The following CEP120 variants were observed in gnomAD, a reference collection of about 807,000 sequenced individuals.
CEP120 encodes the protein centrosomal protein of 120 kDa.
In CEP120, 113 loss-of-function variants were observed where a neutral mutation model predicts 126.5. The ratio of observed to expected loss-of-function variants is 0.89; its 90% CI spans 0.77 to 1.04. The LOEUF is 1.04. Among genes scored for constraint, CEP120 ranks in the 50% least tolerant of loss-of-function variants. CEP120 has a pLI of 0.00. For missense variants in CEP120, 1,230 were observed against 1,155.7 expected (o/e 1.06, Z -0.93); for synonymous variants, 400 against 394.3 (o/e 1.01, Z -0.17).
rs1562022374 is a variant in CEP120 at position 123,372,750 on chromosome 5, T to C, written c.2381A>G (p.Tyr794Cys). The change falls in exon 17 of 20, where the codon TAT (tyrosine) becomes TGT (cysteine). Residue 794 changes from tyrosine to cysteine, a missense_variant. Tyr to Cys is a radical substitution (Grantham distance 194, BLOSUM62 -2). Transcript: ENST00000306467. ...TTGGAACTCTTTTTCCAAAATCTTA[T>C]ACTTATTTTCAGCATCATTAAGCTG... The part of the protein sequence containing the change: ...QQQLNDAENK[Y>C]KILEKEFQQF... 2 of 1,604,860 alleles carry C rather than the reference T, an allele frequency of 1.2e-6. No individual in the cohort carries two copies. The highest frequency in any genetic ancestry group is 2.2e-5 in the East Asian group (1 of 44,572).
chr5:123,355,889 T>C (rs1264647305), intron 18 of CEP120, among the ~76,000 whole-genome samples: 2 of 148,600 alleles, frequency 1.3e-5, no homozygotes, highest in Non-Finnish European at 3.0e-5. Context: ...TAGGTTTTCT[T>C]CTGGGGTTTT....
chr5:123,392,229 C>A (rs1388146940), intron 6 of CEP120, among the ~76,000 whole-genome samples: 1 of 152,082 alleles, frequency 6.6e-6, no homozygotes, highest in Non-Finnish European at 1.5e-5. Context: ...TAAATCAATA[C>A]TTTTGGTAAG....
At chr5:123,419,360 T>C (rs1468706779) in intron 1 of CEP120, among the ~76,000 whole-genome samples, 1 of 151,998 alleles carries the variant, frequency 6.6e-6, no homozygotes, top group Non-Finnish European at 1.5e-5. Context: ...AAGAATACTT[T>C]CCTGGTGAAA....
At chr5:123,422,879 G>T in intron 1 of CEP120, 71 bp downstream of exon 1, 1 of 1,371,994 alleles carries the variant, frequency 7.3e-7, no homozygotes, top group South Asian at 1.2e-5. Context: ...GGTTAACAAG[G>T]CCTCGGTCCC....
intron 14 of CEP120, among the ~76,000 whole-genome samples, chr5:123,380,470 C>T (rs1448650575): frequency 1.3e-5 from 2 of 152,022 alleles, no homozygotes; most frequent in African/African-American, 2.4e-5. Flanking sequence ...TAGCCAGGAA[C>T]TCATCATTTC....
chr5:123,379,179 A>G (rs1272522247), intron 14 of CEP120, among the ~76,000 whole-genome samples: 1 of 152,084 alleles, frequency 6.6e-6, no homozygotes, highest in Non-Finnish European at 1.5e-5. Context: ...TAGGGAAAGC[A>G]GTAGGATTGT....
In CEP120 at chr5:123,386,678, A is replaced by T. The variant is rs1325345560; in HGVS notation, c.1431-11T>A. 4.1e-4 allele frequency: 223 copies of T among 544,490 alleles called. 4 individuals carry two copies. Among genetic ancestry groups the T allele is most frequent in the African/African-American group, 3.8e-3 (184 of 48,484 alleles). The allele number at this position is 544,490 out of a possible 1,614,324, so 33.7% of individuals were successfully genotyped here. A position where few individuals can be genotyped will look rare whatever the true frequency, so the allele number is the denominator to read the frequency against. On this transcript the variant is annotated splice_polypyrimidine_tract_variant and intron_variant, in intron 9 of 19. Coordinates refer to ENST00000306467, the MANE Select transcript of CEP120 (RefSeq NM_001375405.1). ...AATGGATATGAGTACCTAGAATTTAAAAAAAAAAAAAAAAAAAAAAGCCTT... is the reference window on the plus strand; with the variant it reads ...AATGGATATGAGTACCTAGAATTTATAAAAAAAAAAAAAAAAAAAAGCCTT...
At chr5:123,374,467 C>CT (rs778485658) in intron 16 of CEP120, among the ~76,000 whole-genome samples, 1 of 151,910 alleles carries the variant, frequency 6.6e-6, no homozygotes, top group Non-Finnish European at 1.5e-5. Context: ...CGAAGATGTT[C>CT]TTTTTTGAAT....
intron 9 of CEP120, among the ~76,000 whole-genome samples, chr5:123,387,161 A>G (rs1772090454): frequency 6.6e-6 from 1 of 152,166 alleles, no homozygotes; most frequent in African/African-American, 2.4e-5. Flanking sequence ...ATGCCTGACT[A>G]CTGCTGAACT....
chr5:123,408,120 G>A (rs1223307455), intron 4 of CEP120, among the ~76,000 whole-genome samples: 1 of 152,190 alleles, frequency 6.6e-6, no homozygotes, highest in African/African-American at 2.4e-5. Context: ...GACATGCAAT[G>A]AAAGCAGTGC....
At chr5:123,367,069 T>C (rs1328185269) in intron 17 of CEP120, among the ~76,000 whole-genome samples, 1 of 151,828 alleles carries the variant, frequency 6.6e-6, no homozygotes, top group African/African-American at 2.4e-5. Context: ...TCACATTCCT[T>C]GGTGTTTGAT....
chr5:123,422,709 A>G, intron 1 of CEP120: 1 of 725,934 alleles, frequency 1.4e-6, no homozygotes, highest in South Asian at 1.7e-5. Context: ...TTTTCTCTAG[A>G]TTCTCTGGGG....
intron 4 of CEP120, among the ~76,000 whole-genome samples, chr5:123,409,665 A>C (rs968554086): frequency 6.6e-6 from 1 of 152,178 alleles, no homozygotes; most frequent in African/African-American, 2.4e-5. Flanking sequence ...AACAAAAAGA[A>C]TTTTAAAAAA....
At chr5:123,376,335 T>A (rs1419392904) in intron 16 of CEP120, among the ~76,000 whole-genome samples, 1 of 151,998 alleles carries the variant, frequency 6.6e-6, no homozygotes, top group Non-Finnish European at 1.5e-5. Flanking sequence ...ATGAAGATCC[T>A]GTGGTTGAAG....
intron 19 of CEP120, 137 bp downstream of exon 19, chr5:123,349,807 A>G (rs1319414151): frequency 1.5e-6 from 1 of 686,854 alleles, no homozygotes; most frequent in Non-Finnish European, 2.3e-6. Context: ...CCCAGCTGGC[A>G]TAGATTTTCT....
chr5:123,396,980 A>C (rs1772835076), intron 5 of CEP120, among the ~76,000 whole-genome samples: 1 of 152,232 alleles, frequency 6.6e-6, no homozygotes, highest in Non-Finnish European at 1.5e-5. Flanking sequence ...AGTAATCAAT[A>C]AATATGAACA....
In CEP120 at chr5:123,393,320, C is replaced by T; in HGVS notation, c.790G>A (p.Ala264Thr). 3.1e-6 allele frequency: 5 copies of T among 1,614,090 alleles called. No individual in the cohort carries two copies. The highest frequency in any genetic ancestry group is 1.3e-5 in the African/African-American group (1 of 75,034). ...CTCACCTGCAGTTTAGACTGAAGAG[C>T]CAGGTAAACACGAAGAATTTCTACA... ...SSVEILRVYL[A>T]LQSKLQIHLC... Residue 264 changes from alanine to threonine, a missense_variant, in exon 6 of 20, where the codon GCT becomes ACT. Transcript: ENST00000306467.
chr5:123,406,667 C>CAA (rs1773700231), intron 4 of CEP120, among the ~76,000 whole-genome samples: 1 of 150,398 alleles, frequency 6.6e-6, no homozygotes, highest in African/African-American at 2.4e-5. Context: ...TAAAAACTCT[C>CAA]AGACAAATAA....
intron 2 of CEP120, among the ~76,000 whole-genome samples, chr5:123,416,417 A>C (rs1217629252): frequency 6.6e-6 from 1 of 151,796 alleles, no homozygotes; most frequent in Non-Finnish European, 1.5e-5. Context: ...AAAAAACAAA[A>C]AAAAATAGCT....
Sources: gnomAD v4.1 joint callset for allele counts (sites outside exome capture counted in the v4.1 genomes callset) on GRCh38, gnomAD v4.1.1 for gene constraint, MANE v1.5 for transcripts, NCBI Gene and HGNC (gene_info 2026-07-23, HGNC 2026-07-21) for gene names.